WWOX: variants seen among roughly 807,000 people sequenced by gnomAD.
WWOX encodes WW domain-containing oxidoreductase.
Under a neutral mutation model 46.2 loss-of-function variants are expected in WWOX, and 69 were observed. The ratio of observed to expected loss-of-function variants is 1.49; its 90% CI spans 1.23 to 1.82. The LOEUF is 1.82. WWOX is among the 40% of genes most tolerant of loss of function. The probability of loss-of-function intolerance (pLI) is 0.00; values close to 1 mark genes in which losing one functional copy is unlikely to be tolerated. For missense variants in WWOX, 919 were observed against 542.6 expected (o/e 1.69, Z -6.89); for synonymous variants, 359 against 202.6 (o/e 1.77, Z -6.56).
chr16:78,825,551 G>A, intron 8 of WWOX: 2 of 529,418 alleles, frequency 3.8e-6, no homozygotes, highest in Non-Finnish European at 7.6e-6. Flanking sequence ...CTGAAAAGGT[G>A]GCCCCAGAGG....
At chr16:78,176,938 G>C (rs2035367030) in intron 5 of WWOX, among the ~76,000 whole-genome samples, 1 of 152,168 alleles carries the variant, frequency 6.6e-6, no homozygotes, top group Non-Finnish European at 1.5e-5. Flanking sequence ...TATGTACATG[G>C]TGCTACTCAA....
At chr16:78,251,431 A>G (rs541970395) in intron 5 of WWOX, among the ~76,000 whole-genome samples, 1 of 152,288 alleles carries the variant, frequency 6.6e-6, no homozygotes, top group South Asian at 2.1e-4. Context: ...ATTGCTGTCA[A>G]CTGCTCGTTA....
chr16:79,070,632 C>A (rs553525718), intron 8 of WWOX, among the ~76,000 whole-genome samples: 1 of 152,252 alleles, frequency 6.6e-6, no homozygotes, highest in Admixed American at 6.5e-5. Flanking sequence ...AAGGAAGAGG[C>A]ACAGAAGTTC....
At chr16:79,050,813 C>T (rs11648133) in intron 8 of WWOX, among the ~76,000 whole-genome samples, 50,353 of 152,110 alleles carry the variant, frequency 0.33, 10,005 homozygotes, top group African/African-American at 0.56. Flanking sequence ...TCTCTTCTGC[C>T]GCCTTTAGGA....
At chr16:78,899,285 A>G (rs1034735729) in intron 8 of WWOX, 1 of 152,122 alleles carries the variant, frequency 6.6e-6, no homozygotes, top group Non-Finnish European at 1.5e-5. Context: ...GTTCATATAT[A>G]TATGTTTTAT....
intron 8 of WWOX, among the ~76,000 whole-genome samples, chr16:78,595,941 C>A (rs1240520790): frequency 6.6e-6 from 1 of 152,042 alleles, no homozygotes; most frequent in Non-Finnish European, 1.5e-5. Context: ...AAAAAGAAAC[C>A]TGAACTCAGG....
intron 8 of WWOX, among the ~76,000 whole-genome samples, chr16:78,919,743 G>C (rs189520268): frequency 6.6e-6 from 1 of 151,922 alleles, no homozygotes; most frequent in Admixed American, 6.6e-5. Flanking sequence ...TCTCGAACTC[G>C]TGACCTCATG....
intron 8 of WWOX, among the ~76,000 whole-genome samples, chr16:78,965,624 A>G (rs2046350542): frequency 6.6e-6 from 1 of 151,538 alleles, no homozygotes; most frequent in Non-Finnish European, 1.5e-5. Context: ...GCTTTCCACT[A>G]GAAGATTCTG....
intron 5 of WWOX, among the ~76,000 whole-genome samples, chr16:78,230,815 C>T (rs1190025634): frequency 1.3e-5 from 2 of 152,234 alleles, no homozygotes; most frequent in East Asian, 1.9e-4. Context: ...GAACACCTAT[C>T]ACAATATGTG....
intron 5 of WWOX, among the ~76,000 whole-genome samples, chr16:78,379,211 T>C (rs1379032176): frequency 6.6e-6 from 1 of 152,234 alleles, no homozygotes; most frequent in Non-Finnish European, 1.5e-5. Context: ...ATTAGAGCTT[T>C]TTAAATGAGA....
intron 8 of WWOX, among the ~76,000 whole-genome samples, chr16:78,653,305 A>G (rs1272706910): frequency 6.6e-6 from 1 of 152,208 alleles, no homozygotes; most frequent in African/African-American, 2.4e-5. Flanking sequence ...TTTGGACACT[A>G]TTTTAAAAAA....
At chr16:78,665,799 C>G (rs2047317189) in intron 8 of WWOX, among the ~76,000 whole-genome samples, 2 of 152,164 alleles carry the variant, frequency 1.3e-5, no homozygotes, top group Admixed American at 1.3e-4. Context: ...ATTCTCCTAC[C>G]TCAGACTCTC....
At chr16:78,752,986 G>A (rs551536843) in intron 8 of WWOX, among the ~76,000 whole-genome samples, 1 of 152,238 alleles carries the variant, frequency 6.6e-6, no homozygotes, top group African/African-American at 2.4e-5. Flanking sequence ...TTCCAGGATA[G>A]AGGCAGTGAT....
intron 8 of WWOX, among the ~76,000 whole-genome samples, chr16:78,478,729 T>C (rs2151443210): frequency 1.3e-5 from 2 of 152,344 alleles, no homozygotes; most frequent in South Asian, 4.1e-4. Context: ...CTGTGGTCCT[T>C]ATGAATATGC....
intron 8 of WWOX, chr16:79,106,797 CTTTTTTTCTTTT>C (rs1183699815): frequency 2.9e-5 from 4 of 136,372 alleles, no homozygotes; most frequent in Non-Finnish European, 4.8e-5. Context: ...TTTTTTTTAA[CTTTTTTTCTTTT>C]TTTTTTTTTT....
chr16:78,232,681 GAATTTAGTTTTTCCT>G (rs934076018), intron 5 of WWOX, among the ~76,000 whole-genome samples: 1 of 152,188 alleles, frequency 6.6e-6, no homozygotes, highest in African/African-American at 2.4e-5. Context: ...TTTTAAACTT[GAATTTAGTTTTTCCT>G]AATGGAGGCC....
chr16:79,117,000 C>G (rs924729840), intron 8 of WWOX, among the ~76,000 whole-genome samples: 4 of 152,074 alleles, frequency 2.6e-5, no homozygotes, highest in Non-Finnish European at 5.9e-5. Context: ...ACATCTCCAT[C>G]AGAGCTCTTA....
chr16:78,813,448 G>T (rs1340690517), intron 8 of WWOX, among the ~76,000 whole-genome samples: 6 of 152,128 alleles, frequency 3.9e-5, no homozygotes, highest in Non-Finnish European at 2.9e-5. Context: ...TTTTGCTAGA[G>T]TCCAAGATCA....
Position 78,152,388 on chromosome 16 carries a change from G to C in WWOX, c.410-11795G>C, listed in dbSNP as rs184509325. ...TACTGAATATTCCTCCCACATATTTGCAAGTCTATTTGTAGGATAAATTTC... is the reference window on the plus strand; with the variant it reads ...TACTGAATATTCCTCCCACATATTTCCAAGTCTATTTGTAGGATAAATTTC... On this transcript the variant is annotated intron_variant, in intron 4 of 8. Coordinates refer to ENST00000566780, the MANE Select transcript of WWOX (RefSeq NM_016373.4). 3.9e-3 allele frequency among the ~76,000 whole-genome samples: 587 copies of C among 151,820 alleles called. 2 individuals are homozygous for C. Among genetic ancestry groups the C allele is most frequent in the African/African-American group, 0.013 (534 of 41,470 alleles).
Sources: gnomAD v4.1 joint callset for allele counts (sites outside exome capture counted in the v4.1 genomes callset) on GRCh38, gnomAD v4.1.1 for gene constraint, MANE v1.5 for transcripts, NCBI Gene and HGNC (gene_info 2026-07-23, HGNC 2026-07-21) for gene names.